The following SLC25A30 variants were observed in gnomAD, a reference collection of about 807,000 sequenced individuals.
SLC25A30 encodes the protein kidney mitochondrial carrier protein 1.
In SLC25A30, 29 loss-of-function variants were observed where a neutral mutation model predicts 42.7. The observed-to-expected ratio is 0.68, with a 90% CI of 0.51 to 0.93. The LOEUF (loss-of-function observed/expected upper bound fraction) is 0.93, where lower values mean the gene tolerates loss of function less well. Among genes scored for constraint, SLC25A30 ranks in the 40% least tolerant of loss-of-function variants. SLC25A30 has a pLI of 0.00. For missense variants in SLC25A30, 300 were observed against 359.7 expected (o/e 0.83, Z 1.34); for synonymous variants, 124 against 131.0 (o/e 0.95, Z 0.37).
chr13:45,407,323 T>C (rs1882609551), intron 3 of SLC25A30, among the ~76,000 whole-genome samples: 1 of 151,948 alleles, frequency 6.6e-6, no homozygotes, highest in African/African-American at 2.4e-5. Flanking sequence ...TGCTTGAACC[T>C]GGGAGGCAGA....
chr13:45,425,011 T>A, the SLC25A30 span, among the ~76,000 whole-genome samples: 1 of 4,532 alleles, frequency 2.2e-4, no homozygotes, highest in Non-Finnish European at 3.4e-4. Context: ...TAAATATATA[T>A]AAATATACAT....
chr13:45,406,128 G>C (rs369089008), intron 3 of SLC25A30, 151 bp from the exon 4 acceptor site: 2 of 626,812 alleles, frequency 3.2e-6, no homozygotes, highest in South Asian at 1.9e-5. Context: ...TGTCACCCAG[G>C]CTGGAGTGCA....
intron 2 of SLC25A30, among the ~76,000 whole-genome samples, chr13:45,410,968 C>G (rs934924089): frequency 1.3e-5 from 2 of 152,152 alleles, no homozygotes; most frequent in Non-Finnish European, 2.9e-5. Flanking sequence ...GACTGGGTCT[C>G]ACTCTGTCAC....
At chr13:45,406,653 T>A (rs1882538924) in intron 3 of SLC25A30, among the ~76,000 whole-genome samples, 1 of 152,164 alleles carries the variant, frequency 6.6e-6, no homozygotes, top group African/African-American at 2.4e-5. Flanking sequence ...CAATCAGGGT[T>A]TCTGCTGCCC....
chr13:45,423,766 A>ATAAATATAT, the SLC25A30 span, among the ~76,000 whole-genome samples: 1 of 81,074 alleles, frequency 1.2e-5, no homozygotes, highest in Non-Finnish European at 2.0e-5. Flanking sequence ...ATAAATATAT[A>ATAAATATAT]AAAATATATA....
chr13:45,427,427 A>G, the SLC25A30 span, among the ~76,000 whole-genome samples: 1 of 152,160 alleles, frequency 6.6e-6, no homozygotes, highest in Non-Finnish European at 1.5e-5. Flanking sequence ...CTTTTGTCAC[A>G]AACCACTGTT....
At chr13:45,396,971 C>A in intron 9 of SLC25A30, 1 of 334,630 alleles carries the variant, frequency 3.0e-6, no homozygotes, top group Middle Eastern at 8.9e-4. Flanking sequence ...CCTCCTCTCT[C>A]TCTCTCTGAA....
rs749548638 is a variant in SLC25A30 at position 45,399,019 on chromosome 13, C to G, written c.674G>C (p.Arg225Thr). The change falls in exon 8 of 10, where the codon AGG becomes ACG. Residue 225 changes from arginine to threonine, a missense_variant. Arg to Thr is a moderately conservative substitution (Grantham distance 71). Transcript: ENST00000519676. ...CACTCTCTGATTCATCATACGTGTC[C>G]TCACAACATCAACAGGGTTTGAGGC... ...ALASNPVDVV[R>T]TRMMNQRVLR... 4.0e-5 allele frequency: 65 copies of G among 1,613,760 alleles called. No homozygotes were observed. The highest frequency in any genetic ancestry group is 5.4e-5 in the Non-Finnish European group (64 of 1,179,970).
At chr13:45,423,879 A>AT in the SLC25A30 span, among the ~76,000 whole-genome samples, 93 of 71,806 alleles carry the variant, frequency 1.3e-3, no homozygotes, top group Non-Finnish European at 2.1e-3. Context: ...TAAAATATAT[A>AT]AAAATATATA....
the SLC25A30 span, among the ~76,000 whole-genome samples, chr13:45,425,129 A>ATATATACATATATAT: frequency 3.7e-5 from 1 of 26,752 alleles, no homozygotes; most frequent in Non-Finnish European, 6.7e-5. Context: ...TAAATATATA[A>ATATATACATATATAT]GTATATAAAT....
chr13:45,393,993 TAAA>T lies in SLC25A30; in HGVS notation c.*1978_*1980del, dbSNP rs1010761264. On this transcript the variant is annotated 3_prime_UTR_variant, in exon 10 of 10. Coordinates refer to ENST00000519676, the MANE Select transcript of SLC25A30 (RefSeq NM_001010875.4). ...TTGAAAAAGTAAAATTTTTCTACAT[TAAA>T]AAAAGAGCATTTCAAGAAAAGCAAT... 5 of 984,760 alleles carry T rather than the reference TAAA, an allele frequency of 5.1e-6. No individual in the cohort carries two copies. Among genetic ancestry groups the T allele is most frequent in the Admixed American group, 1.2e-4 (2 of 16,274 alleles). The allele number at this position is 984,760 out of a possible 1,614,324, so 61.0% of individuals were successfully genotyped here. A position where few individuals can be genotyped will look rare whatever the true frequency, so the allele number is the denominator to read the frequency against.
At chr13:45,425,116 T>TG in the SLC25A30 span, among the ~76,000 whole-genome samples, 8 of 15,868 alleles carry the variant, frequency 5.0e-4, no homozygotes, top group African/African-American at 9.0e-4. Context: ...ATAAATATAT[T>TG]TATAAATATA....
At chr13:45,423,678 T>TATA in the SLC25A30 span, among the ~76,000 whole-genome samples, 20 of 19,668 alleles carry the variant, frequency 1.0e-3, 1 homozygote, top group African/African-American at 8.9e-3. Flanking sequence ...AAATACATAT[T>TATA]TATATAAATA....
intron 3 of SLC25A30, 102 bp from the exon 4 acceptor site, chr13:45,406,079 T>A: frequency 9.7e-7 from 1 of 1,025,696 alleles, no homozygotes; most frequent in Non-Finnish European, 1.4e-6. Flanking sequence ...AACTACATTC[T>A]CTAAAACAAT....
At chr13:45,414,087 T>G (rs762108788) in intron 1 of SLC25A30, among the ~76,000 whole-genome samples, 35 of 152,220 alleles carry the variant, frequency 2.3e-4, no homozygotes, top group Non-Finnish European at 4.4e-4. Context: ...CAAATTAGTG[T>G]CCACTCCTGG....
chr13:45,415,530 C>G (rs1883439307), intron 1 of SLC25A30, among the ~76,000 whole-genome samples: 1 of 151,970 alleles, frequency 6.6e-6, no homozygotes, highest in Non-Finnish European at 1.5e-5. Context: ...GAGGGTGGAT[C>G]ACTTGAGGTC....
chr13:45,414,603 G>A (rs1057073026), intron 1 of SLC25A30, among the ~76,000 whole-genome samples: 34 of 149,322 alleles, frequency 2.3e-4, no homozygotes, highest in South Asian at 2.2e-3. Context: ...GGCAACAAAA[G>A]CGAAACTTTG....
At chr13:45,398,109 A>C in intron 8 of SLC25A30, 1 of 957,424 alleles carries the variant, frequency 1.0e-6, no homozygotes, top group Non-Finnish European at 1.2e-6. Flanking sequence ...AACAGGAACC[A>C]CAAAAGTGGC....
chr13:45,406,045 C>T, intron 3 of SLC25A30, 68 bp from the exon 4 acceptor site: 2 of 1,391,316 alleles, frequency 1.4e-6, no homozygotes, highest in Non-Finnish European at 2.0e-6. Context: ...AGGCAACCCA[C>T]ATGCAGAGTG....
Sources: gnomAD v4.1 joint callset for allele counts (sites outside exome capture counted in the v4.1 genomes callset) on GRCh38, gnomAD v4.1.1 for gene constraint, MANE v1.5 for transcripts, NCBI Gene and HGNC (gene_info 2026-07-23, HGNC 2026-07-21) for gene names.